THSD7B: variants seen among roughly 807,000 people sequenced by gnomAD.
THSD7B encodes thrombospondin type-1 domain-containing protein 7B.
A neutral mutation model predicts 213.6 loss-of-function variants in THSD7B; 138 were observed. That is an observed-to-expected ratio of 0.65 (90% CI 0.56 to 0.74). The LOEUF (loss-of-function observed/expected upper bound fraction) is 0.74. THSD7B is among the 30% of genes least tolerant of loss of function. THSD7B has a pLI of 0.00. For synonymous variants in THSD7B, 742 were observed against 687.0 expected, an observed-to-expected ratio of 1.08 and a Z score of -1.25; for missense variants, 1,931 against 1,991.5, an observed-to-expected ratio of 0.97 and a Z score of 0.58.
intron 7 of THSD7B, among the ~76,000 whole-genome samples, chr2:137,188,397 C>T (rs1420307971): frequency 6.6e-6 from 1 of 152,138 alleles, no homozygotes; most frequent in Non-Finnish European, 1.5e-5. Context: ...CTAACCCATT[C>T]ATTTAACAGA....
Position 137,535,776 on chromosome 2 carries a change from G to T in THSD7B, c.3139-27445G>T, listed in dbSNP as rs146913577. ...GTTATGATGGTTTGGAGGACAGAAT[G>T]ATCAGAGAAGACTTCTCTGAGATGA... On this transcript the variant is annotated intron_variant, in intron 15 of 27. Coordinates refer to ENST00000409968, the MANE Select transcript of THSD7B (RefSeq NM_001316349.2). Among the ~76,000 whole-genome samples the T allele has an allele frequency of 6.1e-4, 92 of 151,688 alleles. 2 individuals carry two copies. The highest frequency in any genetic ancestry group is 2.0e-3 in the African/African-American group (83 of 41,450).
At chr2:137,335,966 A>T (rs992548361) in intron 12 of THSD7B, among the ~76,000 whole-genome samples, 9 of 151,370 alleles carry the variant, frequency 5.9e-5, no homozygotes, top group African/African-American at 1.9e-4. Context: ...ATTCTTTCTG[A>T]TAGCAAGCTA....
At chr2:136,933,429 A>C (rs543521973) in intron 2 of THSD7B, among the ~76,000 whole-genome samples, 5 of 152,032 alleles carry the variant, frequency 3.3e-5, no homozygotes, top group Non-Finnish European at 7.4e-5. Context: ...GAATACAATA[A>C]TTAGCTGGGC....
chr2:136,813,168 T>C (rs960498178), intron 1 of THSD7B, among the ~76,000 whole-genome samples: 2 of 152,262 alleles, frequency 1.3e-5, no homozygotes, highest in African/African-American at 4.8e-5. Flanking sequence ...TTTTTGCTTC[T>C]TTTTGATGAA....
intron 2 of THSD7B, among the ~76,000 whole-genome samples, chr2:136,889,986 C>T (rs575058532): frequency 6.6e-6 from 1 of 152,228 alleles, no homozygotes; most frequent in East Asian, 1.9e-4. Flanking sequence ...TTGTGCTTGT[C>T]ATATACTTGA....
chr2:137,651,962 G>A (rs1683148677), intron 21 of THSD7B, among the ~76,000 whole-genome samples: 1 of 151,950 alleles, frequency 6.6e-6, no homozygotes, highest in South Asian at 2.1e-4. Context: ...AACTTGCTTT[G>A]TCGCCGAAGA....
At chr2:137,619,921 A>C (rs115078411) in intron 19 of THSD7B, among the ~76,000 whole-genome samples, 4,220 of 152,288 alleles carry the variant, frequency 0.028, 70 homozygotes, top group Non-Finnish European at 0.045. Context: ...GTTGAATGTC[A>C]AAGTTTTCCT....
At chr2:137,256,602 C>T (rs531470274) in intron 10 of THSD7B, among the ~76,000 whole-genome samples, 5 of 152,150 alleles carry the variant, frequency 3.3e-5, no homozygotes, top group Admixed American at 2.6e-4. Context: ...GGTACCCGCT[C>T]GTGAAGACAT....
chr2:137,353,978 C>T (rs1685070136), intron 12 of THSD7B, among the ~76,000 whole-genome samples: 2 of 152,074 alleles, frequency 1.3e-5, no homozygotes, highest in South Asian at 4.1e-4. Flanking sequence ...GCCCACTTTT[C>T]TAGTCTCCCA....
chr2:137,440,886 T>G (rs953102419), intron 14 of THSD7B, among the ~76,000 whole-genome samples: 2 of 152,104 alleles, frequency 1.3e-5, no homozygotes, highest in Non-Finnish European at 2.9e-5. Context: ...TATATGTTTC[T>G]GAATCCCATG....
intron 3 of THSD7B, among the ~76,000 whole-genome samples, chr2:137,094,665 G>T (rs1688006143): frequency 6.6e-6 from 1 of 152,050 alleles, no homozygotes; most frequent in Non-Finnish European, 1.5e-5. Flanking sequence ...CTAGAGTGAA[G>T]CAGCTTCACT....
intron 2 of THSD7B, among the ~76,000 whole-genome samples, chr2:137,023,755 T>A (rs1353963561): frequency 6.6e-6 from 1 of 152,070 alleles, no homozygotes; most frequent in Non-Finnish European, 1.5e-5. Context: ...GCATGGGAGA[T>A]GTGATGGCAG....
At chr2:137,665,228 T>C (rs151325670) in intron 26 of THSD7B, among the ~76,000 whole-genome samples, 100 of 152,286 alleles carry the variant, frequency 6.6e-4, no homozygotes, top group African/African-American at 2.3e-3. Context: ...CTGTGGATCC[T>C]ATTTCTGACA....
At chr2:137,086,967 G>C (rs1204657973) in intron 3 of THSD7B, among the ~76,000 whole-genome samples, 4 of 152,120 alleles carry the variant, frequency 2.6e-5, no homozygotes, top group Non-Finnish European at 5.9e-5. Flanking sequence ...ATCATCCTGT[G>C]GATTTGCAAG....
chr2:137,633,078 T>C (rs1286747549), intron 20 of THSD7B, among the ~76,000 whole-genome samples: 1 of 152,176 alleles, frequency 6.6e-6, no homozygotes, highest in Admixed American at 6.5e-5. Context: ...ACTGTAATTT[T>C]CCTCCACTCT....
At chr2:137,333,121 T>C (rs961517832) in intron 12 of THSD7B, among the ~76,000 whole-genome samples, 3 of 152,128 alleles carry the variant, frequency 2.0e-5, no homozygotes, top group Non-Finnish European at 4.4e-5. Context: ...GAGGAAATAG[T>C]TGTGCAAATG....
chr2:136,942,725 G>A (rs746057805), intron 2 of THSD7B, among the ~76,000 whole-genome samples: 1 of 152,188 alleles, frequency 6.6e-6, no homozygotes, highest in Non-Finnish European at 1.5e-5. Context: ...TGCTGAAGTT[G>A]CTTATCAGCT....
At chr2:137,613,317 C>T (rs1371469100) in intron 17 of THSD7B, among the ~76,000 whole-genome samples, 1 of 152,112 alleles carries the variant, frequency 6.6e-6, no homozygotes, top group African/African-American at 2.4e-5. Flanking sequence ...GATATCAAGG[C>T]TTCATTACTC....
chr2:137,345,806 T>C (rs1237767991), intron 12 of THSD7B, among the ~76,000 whole-genome samples: 1 of 151,406 alleles, frequency 6.6e-6, no homozygotes, highest in Non-Finnish European at 1.5e-5. Flanking sequence ...GCAATTCAGC[T>C]GATGAAAAAA....
Sources: gnomAD v4.1 joint callset for allele counts (sites outside exome capture counted in the v4.1 genomes callset) on GRCh38, gnomAD v4.1.1 for gene constraint, MANE v1.5 for transcripts, NCBI Gene and HGNC (gene_info 2026-07-23, HGNC 2026-07-21) for gene names.